Variants in CFAP20DC observed in about 807,000 individuals in gnomAD.
The protein encoded by CFAP20DC is CFAP20 domain containing.
In CFAP20DC, 84 loss-of-function variants were observed where a neutral mutation model predicts 101.7. The observed-to-expected ratio is 0.83, with a 90% CI of 0.69 to 0.99. The LOEUF is 0.99. Among genes scored for constraint, CFAP20DC ranks in the 50% least tolerant of loss-of-function variants. The pLI is 0.00. For synonymous variants in CFAP20DC, 359 were observed against 351.2 expected (o/e 1.02, Z -0.25); for missense variants, 1,007 against 970.3 (o/e 1.04, Z -0.50).
At chr3:58,727,444 T>C (rs1396646620) in intron 3 of CFAP20DC, 2 of 152,374 alleles carry the variant, frequency 1.3e-5, no homozygotes, top group Admixed American at 1.3e-4. Context: ...TCTTTTCTTT[T>C]CTTTTTTTTT....
At chr3:58,783,966 A>T (rs1191446930) in intron 15 of CFAP20DC, among the ~76,000 whole-genome samples, 1 of 152,060 alleles carries the variant, frequency 6.6e-6, no homozygotes, top group Non-Finnish European at 1.5e-5. Flanking sequence ...GGTACTGAGC[A>T]TGGTACACAA....
At chr3:58,748,591 G>A (rs1477730051) in intron 16 of CFAP20DC, among the ~76,000 whole-genome samples, 2 of 152,160 alleles carry the variant, frequency 1.3e-5, no homozygotes, top group African/African-American at 4.8e-5. Flanking sequence ...AGGGGAAGGG[G>A]CGGGGTCTCT....
intron 14 of CFAP20DC, among the ~76,000 whole-genome samples, chr3:58,811,520 G>T (rs1258301453): frequency 6.6e-6 from 1 of 152,042 alleles, no homozygotes; most frequent in East Asian, 1.9e-4. Context: ...AGTTGAAACT[G>T]GATTCCTTCC....
intron 15 of CFAP20DC, among the ~76,000 whole-genome samples, chr3:58,755,585 C>T (rs561132746): frequency 1.9e-4 from 29 of 152,146 alleles, no homozygotes; most frequent in Admixed American, 5.9e-4. Context: ...GTGAATGTTA[C>T]GAAATGTAAG....
intron 15 of CFAP20DC, among the ~76,000 whole-genome samples, chr3:58,762,372 T>C (rs2069714154): frequency 6.6e-6 from 1 of 152,216 alleles, no homozygotes; most frequent in African/African-American, 2.4e-5. Flanking sequence ...CCGCATTTTT[T>C]TGTTTTCCAT....
intron 7 of CFAP20DC, among the ~76,000 whole-genome samples, chr3:58,877,194 A>G (rs1429655650): frequency 6.6e-6 from 1 of 152,046 alleles, no homozygotes; most frequent in Admixed American, 6.6e-5. Context: ...CTTCATCCAC[A>G]CTTTGAGCAG....
chr3:58,854,816 A>G (rs1252495122), intron 12 of CFAP20DC, among the ~76,000 whole-genome samples: 1 of 144,574 alleles, frequency 6.9e-6, no homozygotes, highest in Non-Finnish European at 1.5e-5. Context: ...CCTTCCTTAC[A>G]CCTTATACAA....
chr3:58,941,650 G>C (rs549917733), intron 4 of CFAP20DC, among the ~76,000 whole-genome samples: 3 of 151,848 alleles, frequency 2.0e-5, no homozygotes, highest in African/African-American at 7.2e-5. Context: ...CTCACTGCAA[G>C]CTCCGCCTCC....
intron 13 of CFAP20DC, among the ~76,000 whole-genome samples, chr3:58,846,462 G>A (rs1324133537): frequency 6.6e-6 from 1 of 151,994 alleles, no homozygotes; most frequent in African/African-American, 2.4e-5. Context: ...TACAAGGGAT[G>A]TGAAGGACCT....
intron 4 of CFAP20DC, among the ~76,000 whole-genome samples, chr3:58,938,397 T>G (rs557258249): frequency 6.6e-6 from 1 of 152,216 alleles, no homozygotes; most frequent in Non-Finnish European, 1.5e-5. Context: ...TTGCTTCAAA[T>G]TGATAGAGGC....
At chr3:58,837,157 G>A (rs1464903746) in intron 13 of CFAP20DC, among the ~76,000 whole-genome samples, 2 of 152,180 alleles carry the variant, frequency 1.3e-5, no homozygotes, top group African/African-American at 2.4e-5. Flanking sequence ...AAGAATGCCT[G>A]TAATTTACTC....
Position 58,863,464 on chromosome 3 carries a change from G to C in CFAP20DC, c.1593+94C>G, listed in dbSNP as rs1224955240. On this transcript the variant is annotated intron_variant, in intron 12 of 16. Coordinates refer to ENST00000482387, the MANE Select transcript of CFAP20DC (RefSeq NM_001394063.1). This position sits in a 1 kb window ranked among gnomAD's most constrained non-coding sequence, Gnocchi z 5.9. ...TGTTGCATTTTTATAAATAGCAGTT[G>C]ATTTTCCCTCTTTCATTTCAACTTG... 1 of 1,525,076 alleles carries C rather than the reference G, an allele frequency of 6.6e-7. No homozygotes were observed. The highest frequency in any genetic ancestry group is 2.0e-5 in the Admixed American group (1 of 48,938). 94.5% of individuals were successfully genotyped at this position (1,525,076 alleles called of 1,614,324 possible). A position where few individuals can be genotyped will look rare whatever the true frequency, so the allele number is the denominator to read the frequency against.
intron 15 of CFAP20DC, among the ~76,000 whole-genome samples, chr3:58,757,193 T>G (rs962459309): frequency 6.6e-6 from 1 of 152,140 alleles, no homozygotes; most frequent in Non-Finnish European, 1.5e-5. Flanking sequence ...TGTATGAGAA[T>G]GCTGATTTCC....
chr3:58,896,640 A>T (rs957556033), intron 6 of CFAP20DC, among the ~76,000 whole-genome samples: 2 of 152,094 alleles, frequency 1.3e-5, no homozygotes, highest in African/African-American at 4.8e-5. Context: ...CCCATTATTT[A>T]CCTAAGAGTA....
At chr3:58,916,071 T>TGTATA (rs1408179943) in intron 5 of CFAP20DC, among the ~76,000 whole-genome samples, 1 of 152,158 alleles carries the variant, frequency 6.6e-6, no homozygotes, top group East Asian at 1.9e-4. Flanking sequence ...GCCAAGTGGC[T>TGTATA]CTCTATGATT....
Position 58,742,387 on chromosome 3 carries a change from GAC to G in CFAP20DC, c.*71_*72del. 1.4e-6 allele frequency: 2 copies of G among 1,382,430 alleles called. No homozygotes were observed. Among genetic ancestry groups the G allele is most frequent in the Non-Finnish European group, 1.9e-6 (2 of 1,058,900 alleles). The allele number at this position is 1,382,430 out of a possible 1,614,324, so 85.6% of individuals were successfully genotyped here. A position where few individuals can be genotyped will look rare whatever the true frequency, so the allele number is the denominator to read the frequency against. ...GGTCACCCAACACATAAGTTGTGGT[GAC>G]TCCTTAAGCGACCCTGAACTGCTAT... On this transcript the variant is annotated 3_prime_UTR_variant, in exon 17 of 17. Transcript: ENST00000482387.
chr3:58,901,016 C>T (rs924369163), intron 6 of CFAP20DC, among the ~76,000 whole-genome samples: 19 of 152,122 alleles, frequency 1.2e-4, no homozygotes, highest in Admixed American at 3.9e-4. Flanking sequence ...TGGTATACGT[C>T]TCCTTCTAAT....
intron 12 of CFAP20DC, among the ~76,000 whole-genome samples, chr3:58,850,721 T>C (rs2078153158): frequency 6.6e-6 from 1 of 152,178 alleles, no homozygotes; most frequent in South Asian, 2.1e-4. Context: ...TTTGAAGACA[T>C]TATTTGGTGT....
intron 6 of CFAP20DC, among the ~76,000 whole-genome samples, chr3:58,907,431 G>A (rs1388283480): frequency 6.6e-6 from 1 of 152,142 alleles, no homozygotes; most frequent in East Asian, 1.9e-4. Context: ...AGGGAAGCAG[G>A]GGCTGCATCA....
Sources: allele counts gnomAD v4.1 joint callset (sites outside exome capture counted in the v4.1 genomes callset), GRCh38; gene constraint gnomAD v4.1.1; non-coding constraint Gnocchi (gnomAD v3.1); transcripts MANE v1.5; gene names NCBI Gene and HGNC (gene_info 2026-07-23, HGNC 2026-07-21).